DCX: variants seen among roughly 807,000 people sequenced by gnomAD.
DCX encodes the protein doublecortin, also known as neuronal migration protein doublecortin.
In DCX, 4 loss-of-function variants were observed where a neutral mutation model predicts 20.9. The ratio of observed to expected loss-of-function variants is 0.19; its 90% CI spans 0.09 to 0.44. The LOEUF is 0.44. Ranked by LOEUF, DCX falls within the 20% of genes least tolerant of loss-of-function variation. DCX has a pLI of 0.99. For missense variants in DCX, 133 were observed against 296.9 expected (o/e 0.45, Z 4.06); for synonymous variants, 103 against 111.4 (o/e 0.92, Z 0.47).
chrX:111,385,792 GGA>G (rs1415279463), intron 3 of DCX, among the ~76,000 whole-genome samples: 1 of 46,672 alleles, frequency 2.1e-5, no homozygotes, highest in Non-Finnish European at 3.9e-5. Context: ...AGGGAAGGAA[GGA>G]AGGAAGGAAG....
chrX:111,376,643 G>T (rs748469483), intron 3 of DCX, among the ~76,000 whole-genome samples: 1 of 111,502 alleles, frequency 9.0e-6, no homozygotes, highest in African/African-American at 3.3e-5. Flanking sequence ...AGGAGGGCTT[G>T]TTAAAACAGA....
chrX:111,375,238 G>A (rs777824147), intron 3 of DCX, among the ~76,000 whole-genome samples: 1 of 108,585 alleles, frequency 9.2e-6, no homozygotes, highest in African/African-American at 3.4e-5. Flanking sequence ...ACACAAAAAA[G>A]GAATGTATAT....
chrX:111,383,744 C>A (rs771182599), intron 3 of DCX, among the ~76,000 whole-genome samples: 24 of 111,440 alleles, frequency 2.2e-4, no homozygotes, highest in Non-Finnish European at 3.6e-4. Context: ...ATTGGCTGAA[C>A]ATTGACTTGC....
At chrX:111,329,002 A>G (rs1032929729) in intron 5 of DCX, among the ~76,000 whole-genome samples, 2 of 112,121 alleles carry the variant, frequency 1.8e-5, no homozygotes, top group African/African-American at 3.2e-5. Context: ...TCACAGCAGG[A>G]TACAAGTAAT....
intron 3 of DCX, among the ~76,000 whole-genome samples, chrX:111,373,074 TGAAATGA>T (rs1321727178): frequency 9.0e-6 from 1 of 111,158 alleles, no homozygotes; most frequent in Non-Finnish European, 1.9e-5. Context: ...TGAAATGAAA[TGAAATGA>T]AATGAAATGA....
rs1928179673 is a variant in DCX, at chrX:111,405,957, A to G, written c.364+4078T>C. Among the ~76,000 whole-genome samples the G allele has an allele frequency of 2.7e-5, 3 of 112,307 alleles. No homozygotes were observed. In the Admixed American group the frequency reaches 2.8e-4, roughly 11 times the overall value. On this transcript the variant is annotated intron_variant, in intron 2 of 6. Coordinates refer to ENST00000636035, the MANE Select transcript of DCX (RefSeq NM_001195553.2). ...AAAGGAGTGTCACAAGGCCAGAGTG[A>G]TTATTAACCAATTATTTTTAAATTT...
chrX:111,298,803 C>A lies in DCX; in HGVS notation c.*2884G>T, dbSNP rs772248282. On this transcript the variant is annotated 3_prime_UTR_variant, in exon 7 of 7. Coordinates refer to ENST00000636035, the MANE Select transcript of DCX (RefSeq NM_001195553.2). Reference sequence around the variant, plus strand: ...TCCAAAACAGTGAAGAGAAAAGGAGCTTTTCTCTCAATTTACCCCTAGTTA... The same window carrying A: ...TCCAAAACAGTGAAGAGAAAAGGAGATTTTCTCTCAATTTACCCCTAGTTA... 1.8e-5 allele frequency: 2 copies of A among 112,147 alleles called. No homozygotes were observed. The highest frequency in any genetic ancestry group is 2.8e-4 in the East Asian group (1 of 3,546). The allele number at this position is 112,147 out of a possible 1,213,427, so 9.2% of individuals were successfully genotyped here. A position where few individuals can be genotyped will look rare whatever the true frequency, so the allele number is the denominator to read the frequency against.
At chrX:111,387,535 C>T (rs1417068127) in intron 3 of DCX, among the ~76,000 whole-genome samples, 1 of 111,810 alleles carries the variant, frequency 8.9e-6, no homozygotes, top group Non-Finnish European at 1.9e-5. Flanking sequence ...AAGTCAAACA[C>T]TTGAAACTCC....
intron 3 of DCX, among the ~76,000 whole-genome samples, chrX:111,366,739 A>G (rs920001579): frequency 4.5e-5 from 5 of 112,095 alleles, no homozygotes; most frequent in African/African-American, 1.6e-4. Flanking sequence ...TGAGTGTTGC[A>G]TATCAAGCAC....
chrX:111,318,892 C>T (rs2095080266), intron 5 of DCX, among the ~76,000 whole-genome samples: 1 of 111,557 alleles, frequency 9.0e-6, no homozygotes, highest in African/African-American at 3.3e-5. Context: ...ACCAAACTCC[C>T]ATGACATGCA....
chrX:111,331,127 C>T (rs906782356), intron 4 of DCX, 86 bp from the exon 5 acceptor site: 2 of 1,079,407 alleles, frequency 1.9e-6, no homozygotes, highest in Non-Finnish European at 2.6e-6. Flanking sequence ...ATAACCATCA[C>T]AGGCCAAAGG....
chrX:111,318,184 CAAAA>C (rs1196651828), intron 5 of DCX, among the ~76,000 whole-genome samples: 1 of 31,589 alleles, frequency 3.2e-5, no homozygotes, highest in Non-Finnish European at 6.2e-5. Flanking sequence ...GACTCGGTCT[CAAAA>C]AAAAAAAAAA....
rs73545294 is a variant in DCX, at chrX:111,376,965, T to G, written c.705+24025A>C. Reference sequence around the variant, plus strand: ...CTAAAACAAATTTAACTGTCTGTCCTACACTTAATCTGACAACGCTAATCT... The same window carrying G: ...CTAAAACAAATTTAACTGTCTGTCCGACACTTAATCTGACAACGCTAATCT... On this transcript the variant is annotated intron_variant, in intron 3 of 6. Transcript: ENST00000636035. 2.5e-3 allele frequency among the ~76,000 whole-genome samples: 278 copies of G among 112,360 alleles called. 1 individual carries two copies. The highest frequency in any genetic ancestry group is 8.4e-3 in the African/African-American group (260 of 30,994).
At chrX:111,328,594 C>T (rs1256105921) in intron 5 of DCX, among the ~76,000 whole-genome samples, 2 of 112,062 alleles carry the variant, frequency 1.8e-5, no homozygotes, top group African/African-American at 3.2e-5. Context: ...TTCTTCAACA[C>T]TCTTTCCTTT....
chrX:111,376,654 T>C (rs1400328374), intron 3 of DCX, among the ~76,000 whole-genome samples: 2 of 111,413 alleles, frequency 1.8e-5, no homozygotes, highest in Non-Finnish European at 3.8e-5. Context: ...TTAAAACAGA[T>C]TTCAGAGCCC....
At position 111,354,235 on chromosome X, in the gene DCX, G is replaced by A. The variant is rs189715059; in HGVS notation, c.706-21082C>T. 3.7e-3 allele frequency among the ~76,000 whole-genome samples: 415 copies of A among 111,708 alleles called. 3 individuals carry two copies. Among genetic ancestry groups the A allele is most frequent in the African/African-American group, 0.013 (389 of 30,761 alleles). On this transcript the variant is annotated intron_variant, in intron 3 of 6. Transcript: ENST00000636035. ...TCTGAGAGAATAAATCTCTAATAGC[G>A]GACATTCTCATATCCCTTAAAATCT...
intron 4 of DCX, among the ~76,000 whole-genome samples, chrX:111,331,836 T>A (rs933762994): frequency 8.9e-6 from 1 of 112,468 alleles, no homozygotes; most frequent in Non-Finnish European, 1.9e-5. Context: ...ATTCTCATTT[T>A]GCTGATGAGA....
At position 111,324,440 on chromosome X, in the gene DCX, C is replaced by T. The variant is rs772178291; in HGVS notation, c.946+6464G>A. On this transcript the variant is annotated intron_variant, in intron 5 of 6. Transcript: ENST00000636035. ...ATTTTGCATTTAAATAAGTTATTACCATTAACATGGCATTAATGGTTCAGT... is the reference window on the plus strand; with the variant it reads ...ATTTTGCATTTAAATAAGTTATTACTATTAACATGGCATTAATGGTTCAGT... Among the ~76,000 whole-genome samples, 3 of 111,694 alleles carry T rather than the reference C, an allele frequency of 2.7e-5. No homozygotes were observed. In the East Asian group the frequency reaches 8.5e-4, roughly 32 times the overall value.
At chrX:111,367,688 G>C (rs750210416) in intron 3 of DCX, among the ~76,000 whole-genome samples, 90 of 111,744 alleles carry the variant, frequency 8.1e-4, no homozygotes, top group Non-Finnish European at 1.3e-3. Flanking sequence ...CTGTGTAGTA[G>C]GGTACGTGGC....
Sources: allele counts gnomAD v4.1 joint callset (sites outside exome capture counted in the v4.1 genomes callset), GRCh38; gene constraint gnomAD v4.1.1; transcripts MANE v1.5; gene names NCBI Gene and HGNC (gene_info 2026-07-23, HGNC 2026-07-21).